RPGRIP1: variants seen among roughly 807,000 people sequenced by gnomAD.
RPGRIP1 encodes X-linked retinitis pigmentosa GTPase regulator-interacting protein 1.
RPGRIP1 carries 128 observed loss-of-function variants against 157.9 expected under a neutral mutation model. That is an observed-to-expected ratio of 0.81 (90% CI 0.70 to 0.94). The LOEUF (loss-of-function observed/expected upper bound fraction) is 0.94, where lower values mean the gene tolerates loss of function less well. Among genes scored for constraint, RPGRIP1 ranks in the 40% least tolerant of loss-of-function variants. RPGRIP1 has a pLI of 0.00. For missense variants in RPGRIP1, 1,486 were observed against 1,545.8 expected, an observed-to-expected ratio of 0.96 and a Z score of 0.65; for synonymous variants, 554 against 571.6, an observed-to-expected ratio of 0.97 and a Z score of 0.44.
chr14:21,306,554 G>A (rs1041626045), intron 6 of RPGRIP1, among the ~76,000 whole-genome samples: 3 of 149,590 alleles, frequency 2.0e-5, no homozygotes, highest in Non-Finnish European at 4.4e-5. Context: ...CACCTCCCAG[G>A]TTCAAGTGAT....
intron 10 of RPGRIP1, 74 bp downstream of exon 10, chr14:21,312,580 G>C (rs1881585674): frequency 1.2e-6 from 1 of 834,894 alleles, no homozygotes; most frequent in African/African-American, 1.7e-5. Context: ...CTAATACCTA[G>C]CATTAATAAA....
intron 8 of RPGRIP1, among the ~76,000 whole-genome samples, chr14:21,311,279 C>T (rs1212464951): frequency 2.0e-5 from 3 of 152,174 alleles, no homozygotes; most frequent in Non-Finnish European, 2.9e-5. Flanking sequence ...GGGCCAGGCG[C>T]GGTGGCTCAC....
intron 2 of RPGRIP1, among the ~76,000 whole-genome samples, chr14:21,291,000 CAA>C (rs34237756): frequency 2.4e-4 from 22 of 90,278 alleles, no homozygotes; most frequent in African/African-American, 1.9e-4. Context: ...GACTCCATCT[CAA>C]AAAAAAAAAA....
intron 2 of RPGRIP1, among the ~76,000 whole-genome samples, chr14:21,294,194 A>G (rs970079927): frequency 7.3e-5 from 11 of 151,718 alleles, no homozygotes; most frequent in South Asian, 2.1e-4. Context: ...TAATATAGAA[A>G]GGGTCTCCAG....
chr14:21,296,951 TAA>T (rs34451423), intron 3 of RPGRIP1, among the ~76,000 whole-genome samples: 48 of 115,934 alleles, frequency 4.1e-4, no homozygotes, highest in Admixed American at 5.5e-4. Flanking sequence ...AGACTCCATC[TAA>T]AAAAAAAAAA....
intron 16 of RPGRIP1, 184 bp from the exon 17 acceptor site, chr14:21,325,647 A>G (rs376656101): frequency 2.8e-5 from 18 of 636,140 alleles, no homozygotes; most frequent in African/African-American, 2.0e-4. Flanking sequence ...CGTGAGTGCC[A>G]GTATCTCCCT....
chr14:21,312,269 C>T (rs1308976477), intron 9 of RPGRIP1, among the ~76,000 whole-genome samples, 164 bp from the exon 10 acceptor site: 2 of 152,106 alleles, frequency 1.3e-5, no homozygotes, highest in Admixed American at 1.3e-4. Context: ...AGTTTCTAGC[C>T]GACCTTCAAT....
Position 21,315,186 on chromosome 14 carries a change from G to A in RPGRIP1, c.1152-2510G>A, listed in dbSNP as rs116878280. Among the ~76,000 whole-genome samples, 63 of 151,992 alleles carry A rather than the reference G, an allele frequency of 4.1e-4. No homozygotes were observed. The East Asian group carries it at 0.01, about 24-fold the overall frequency. On this transcript the variant is annotated intron_variant, in intron 10 of 24. Transcript: ENST00000400017. ...AGACTCTCAAACAAAAAAAAAACCTGTAAGTAAAAGAAAAAAGTTTTTAAA... is the reference window on the plus strand; with the variant it reads ...AGACTCTCAAACAAAAAAAAAACCTATAAGTAAAAGAAAAAAGTTTTTAAA...
At chr14:21,306,780 T>C (rs751668540) in intron 6 of RPGRIP1, among the ~76,000 whole-genome samples, 4 of 149,266 alleles carry the variant, frequency 2.7e-5, no homozygotes, top group Non-Finnish European at 3.0e-5. Context: ...TTATTATTAT[T>C]ATCATTATTT....
At chr14:21,322,172 T>G (rs939891201) in intron 14 of RPGRIP1, among the ~76,000 whole-genome samples, 168 bp downstream of exon 14, 1 of 152,132 alleles carries the variant, frequency 6.6e-6, no homozygotes, top group Non-Finnish European at 1.5e-5. Flanking sequence ...GCTTGTTTGC[T>G]TTTGAGATGG....
intron 12 of RPGRIP1, 120 bp from the exon 13 acceptor site, chr14:21,321,139 A>AT: frequency 1.0e-6 from 1 of 999,714 alleles, no homozygotes; most frequent in Non-Finnish European, 1.4e-6. Flanking sequence ...CCTTGTTTAC[A>AT]TTTTGGAGTA....
chr14:21,283,790 C>T (rs919503081), intron 1 of RPGRIP1, among the ~76,000 whole-genome samples: 3 of 151,840 alleles, frequency 2.0e-5, no homozygotes, highest in Non-Finnish European at 4.4e-5. Context: ...CCCGAGTAGC[C>T]GGATTACAGG....
intron 3 of RPGRIP1, among the ~76,000 whole-genome samples, chr14:21,295,302 T>A (rs189713138): frequency 1.3e-5 from 2 of 152,080 alleles, no homozygotes; most frequent in East Asian, 3.9e-4. Flanking sequence ...TGGTCACAAC[T>A]GAGGGGATGG....
intron 6 of RPGRIP1, among the ~76,000 whole-genome samples, chr14:21,304,353 G>GGGAA (rs553262619): frequency 5.1e-5 from 7 of 138,308 alleles, no homozygotes; most frequent in Non-Finnish European, 7.7e-5. Flanking sequence ...GAGGGAGGGA[G>GGGAA]GGAAGGAAGG....
At chr14:21,315,650 A>G (rs1881752269) in intron 10 of RPGRIP1, among the ~76,000 whole-genome samples, 1 of 152,090 alleles carries the variant, frequency 6.6e-6, no homozygotes, top group Non-Finnish European at 1.5e-5. Flanking sequence ...GGGAGTATCC[A>G]CTTCGATAGA....
intron 8 of RPGRIP1, chr14:21,311,048 TAAGAC>T: frequency 2.3e-6 from 1 of 437,488 alleles, no homozygotes; most frequent in Middle Eastern, 3.4e-4. Flanking sequence ...GAATCACCAC[TAAGAC>T]AGAGTTCCAA....
intron 10 of RPGRIP1, among the ~76,000 whole-genome samples, chr14:21,313,944 CT>C (rs537298482): frequency 0.23 from 31,151 of 137,052 alleles, 3,348 homozygotes; most frequent in Non-Finnish European, 0.26. Context: ...CACTTTTATT[CT>C]TTTTTTTTTT....
At chr14:21,293,671 G>A (rs528258180) in intron 2 of RPGRIP1, among the ~76,000 whole-genome samples, 2 of 152,268 alleles carry the variant, frequency 1.3e-5, no homozygotes, top group South Asian at 4.1e-4. Context: ...AAGGTCAAGA[G>A]ATCGAGACCA....
chr14:21,328,740 C>T (rs1035634915), intron 19 of RPGRIP1, 113 bp downstream of exon 19: 30 of 769,232 alleles, frequency 3.9e-5, no homozygotes, highest in Non-Finnish European at 5.2e-5. Flanking sequence ...AAGCACTAAT[C>T]GGCCGGGCAT....
Sources: allele counts gnomAD v4.1 joint callset (sites outside exome capture counted in the v4.1 genomes callset), GRCh38; gene constraint gnomAD v4.1.1; transcripts MANE v1.5; gene names NCBI Gene and HGNC (gene_info 2026-07-23, HGNC 2026-07-21).